The following EXOC2 variants were observed in gnomAD, a reference collection of about 807,000 sequenced individuals.
EXOC2 encodes the protein exocyst complex component 2.
A neutral mutation model predicts 131.8 loss-of-function variants in EXOC2; 70 were observed. The observed-to-expected ratio is 0.53, with a 90% CI of 0.44 to 0.65. The LOEUF (loss-of-function observed/expected upper bound fraction) is 0.65, where lower values mean the gene tolerates loss of function less well. EXOC2 is among the 30% of genes least tolerant of loss of function. The pLI is 0.00. For synonymous variants in EXOC2, 411 were observed against 398.4 expected, an observed-to-expected ratio of 1.03 and a Z score of -0.38; for missense variants, 923 against 1,108.6, an observed-to-expected ratio of 0.83 and a Z score of 2.38.
At chr6:541,553 C>G (rs2127554707) in intron 22 of EXOC2, among the ~76,000 whole-genome samples, 1 of 148,094 alleles carries the variant, frequency 6.8e-6, no homozygotes, top group East Asian at 2.0e-4. Context: ...AAAAAATGAC[C>G]ATATCGCAGC....
Position 670,875 on chromosome 6 carries a change from T to C in EXOC2, c.-44+22144A>G, listed in dbSNP as rs568318617. On this transcript the variant is annotated intron_variant, in intron 1 of 27. Transcript: ENST00000230449. Reference sequence around the variant, plus strand: ...TAAATTCCTCTCTTCCATGAGCCCATTGGGGTAGCTTTAAATGTAGAAGTT... The same window carrying C: ...TAAATTCCTCTCTTCCATGAGCCCACTGGGGTAGCTTTAAATGTAGAAGTT... 3.8e-4 allele frequency among the ~76,000 whole-genome samples: 58 copies of C among 152,086 alleles called. No homozygotes were observed. In the East Asian group the frequency reaches 4.4e-3, roughly 12 times the overall value.
rs905484792 is a variant in EXOC2 at position 572,579 on chromosome 6, G to A, written c.1384C>T (p.Gln462Ter). Residue 462 changes from glutamine (Q) to a stop codon, truncating the protein, a stop_gained, in exon 13 of 28, where the codon CAG (glutamine) becomes TAG (stop). Coordinates refer to ENST00000230449, the MANE Select transcript of EXOC2 (RefSeq NM_018303.6). LOFTEE classifies it high-confidence loss of function. ...CAGAGTTTCCAGAAGTTAGGCAGCTGGCTCAAGACGAGTTTTGTCAATTTT... is the reference window on the plus strand; with the variant it reads ...CAGAGTTTCCAGAAGTTAGGCAGCTAGCTCAAGACGAGTTTTGTCAATTTT... ...VEKLTKLVLS[Q>*]LPNFWKLWIS... is the part of the protein sequence containing the mutation. 4 of 1,614,176 alleles carry A rather than the reference G, an allele frequency of 2.5e-6. No individual in the cohort carries two copies. Among genetic ancestry groups the A allele is most frequent in the Non-Finnish European group, 3.4e-6 (4 of 1,180,036 alleles).
intron 7 of EXOC2, among the ~76,000 whole-genome samples, chr6:605,787 T>C (rs536138640): frequency 5.9e-5 from 9 of 152,346 alleles, no homozygotes; most frequent in Non-Finnish European, 1.2e-4. Flanking sequence ...CTTTTAATTG[T>C]GATGTTAGGG....
intron 1 of EXOC2, among the ~76,000 whole-genome samples, chr6:638,427 T>A (rs1199140114): frequency 6.6e-6 from 1 of 152,176 alleles, no homozygotes; most frequent in Non-Finnish European, 1.5e-5. Flanking sequence ...CTGTTGTGAG[T>A]ATAACAGAGG....
intron 12 of EXOC2, 98 bp from the exon 13 acceptor site, chr6:572,742 C>A (rs1183593141): frequency 4.9e-6 from 7 of 1,423,962 alleles, no homozygotes; most frequent in Non-Finnish European, 4.8e-6. Context: ...CGCAAAACTC[C>A]AACATGCACT....
At chr6:563,120 A>G (rs1043509918) in intron 16 of EXOC2, among the ~76,000 whole-genome samples, 11 of 152,250 alleles carry the variant, frequency 7.2e-5, no homozygotes, top group Admixed American at 3.3e-4. Flanking sequence ...AACTTGAGAC[A>G]ATCATTTATT....
In EXOC2 at chr6:500,945, A is replaced by G. The variant is rs1043217164; in HGVS notation, c.2381-1245T>C. ...TTTTGATTGTGTCACACACTACGGTATACAAATAAGGACACGGTTTTTCTT... is the reference window on the plus strand; with the variant it reads ...TTTTGATTGTGTCACACACTACGGTGTACAAATAAGGACACGGTTTTTCTT... On this transcript the variant is annotated intron_variant, in intron 23 of 27. Coordinates refer to ENST00000230449, the MANE Select transcript of EXOC2 (RefSeq NM_018303.6). 2.7e-5 allele frequency among the ~76,000 whole-genome samples: 4 copies of G among 150,940 alleles called. No individual in the cohort carries two copies. In the Admixed American group the frequency reaches 2.7e-4, roughly 10 times the overall value.
At chr6:502,540 A>G (rs1270446750) in intron 23 of EXOC2, among the ~76,000 whole-genome samples, 1 of 152,164 alleles carries the variant, frequency 6.6e-6, no homozygotes, top group Admixed American at 6.5e-5. Context: ...CCTAAGCATT[A>G]CTAATAAGAC....
At chr6:557,754 C>T (rs1757499257) in intron 17 of EXOC2, among the ~76,000 whole-genome samples, 1 of 151,806 alleles carries the variant, frequency 6.6e-6, no homozygotes, top group Admixed American at 6.6e-5. Context: ...GGAAGAGGGA[C>T]CAGCCCTTTG....
In EXOC2 at chr6:564,704, T is replaced by C; in HGVS notation, c.1510-2A>G. 1 of 1,586,484 alleles carries C rather than the reference T, an allele frequency of 6.3e-7. No homozygotes were observed. Among genetic ancestry groups the C allele is most frequent in the Non-Finnish European group, 8.6e-7 (1 of 1,165,898 alleles). Reference sequence around the variant, plus strand: ...GTGCATTACTTCCTGAATCATTTTCTAGAAAACCAGGAACAAGCATAACCG... The same window carrying C: ...GTGCATTACTTCCTGAATCATTTTCCAGAAAACCAGGAACAAGCATAACCG... On this transcript the variant is annotated splice_acceptor_variant, in intron 14 of 27. Transcript: ENST00000230449. LOFTEE classifies it high-confidence loss of function.
intron 22 of EXOC2, among the ~76,000 whole-genome samples, chr6:546,502 A>G (rs910180286): frequency 6.6e-5 from 10 of 152,120 alleles, no homozygotes; most frequent in Admixed American, 6.5e-4. Context: ...TGTGCAGGTG[A>G]CCCTTGAACA....
At chr6:548,246 T>C (rs539047701) in intron 22 of EXOC2, among the ~76,000 whole-genome samples, 1 of 152,266 alleles carries the variant, frequency 6.6e-6, no homozygotes, top group African/African-American at 2.4e-5. Context: ...TTTGACATTT[T>C]CACTCTTTGA....
intron 1 of EXOC2, chr6:657,050 G>T: frequency 1.0e-6 from 1 of 961,576 alleles, no homozygotes; most frequent in Non-Finnish European, 1.5e-6. Flanking sequence ...CCCTCCCTCC[G>T]GCCCCCCAGC....
chr6:536,517 C>T (rs1766454247), intron 22 of EXOC2, among the ~76,000 whole-genome samples: 1 of 152,048 alleles, frequency 6.6e-6, no homozygotes, highest in African/African-American at 2.4e-5. Flanking sequence ...CAATGAACCC[C>T]TAAAAGGCCT....
At chr6:654,027 GT>G (rs1181034251) in intron 1 of EXOC2, among the ~76,000 whole-genome samples, 3 of 152,190 alleles carry the variant, frequency 2.0e-5, no homozygotes, top group Non-Finnish European at 4.4e-5. Flanking sequence ...ACAGCATCTG[GT>G]TTAGTGAATA....
intron 10 of EXOC2, among the ~76,000 whole-genome samples, chr6:595,063 G>T (rs541756160): frequency 6.6e-6 from 1 of 150,826 alleles, no homozygotes; most frequent in South Asian, 2.1e-4. Context: ...AGCTACCAGG[G>T]ATAAGATCAC....
rs754210793 is a variant in EXOC2, at chr6:553,906, ACAT to A, written c.2066_2068del (p.Asp689del). 11 of 1,613,960 alleles carry A rather than the reference ACAT, an allele frequency of 6.8e-6. No individual in the cohort carries two copies. The South Asian group carries it at 1.2e-4, about 18-fold the overall frequency. ...ACTTCCAAACAAGTCAGGGGAAGAA[ACAT>A]CAACAGAGAGACTGAACATAGAAGC... On this transcript the variant is annotated inframe_deletion, in exon 21 of 28. Coordinates refer to ENST00000230449, the MANE Select transcript of EXOC2 (RefSeq NM_018303.6).
chr6:624,233 C>G (rs891138772), intron 4 of EXOC2, among the ~76,000 whole-genome samples: 14 of 152,182 alleles, frequency 9.2e-5, no homozygotes, highest in African/African-American at 2.9e-4. Flanking sequence ...GTACAGGTGG[C>G]TCATCTCAGT....
intron 24 of EXOC2, among the ~76,000 whole-genome samples, chr6:498,039 CTG>C (rs1763842899): frequency 1.3e-5 from 2 of 152,304 alleles, no homozygotes; most frequent in Admixed American, 6.5e-5. Flanking sequence ...GACTTTCAAA[CTG>C]AGAGTTACTG....
Sources: gnomAD v4.1 joint callset for allele counts (sites outside exome capture counted in the v4.1 genomes callset) on GRCh38, gnomAD v4.1.1 for gene constraint, MANE v1.5 for transcripts, NCBI Gene and HGNC (gene_info 2026-07-23, HGNC 2026-07-21) for gene names.